SPAG17: variants seen among roughly 807,000 people sequenced by gnomAD.
SPAG17 encodes the protein sperm-associated antigen 17.
Under a neutral mutation model 273.6 loss-of-function variants are expected in SPAG17, and 169 were observed. The observed-to-expected ratio is 0.62, with a 90% confidence interval of 0.55 to 0.70. The LOEUF is 0.70. SPAG17 is among the 30% of genes least tolerant of loss of function. The pLI, the probability that SPAG17 is intolerant of heterozygous loss-of-function variation, is 0.00. For synonymous variants in SPAG17, 825 were observed against 873.2 expected (o/e 0.94, Z 0.97); for missense variants, 2,557 against 2,627.8 (o/e 0.97, Z 0.59).
At position 118,081,157 on chromosome 1, in the gene SPAG17, C is replaced by T. The variant is rs779688185; in HGVS notation, c.2153G>A (p.Arg718Lys). The change falls in exon 15 of 49, where the codon AGA (arginine) becomes AAA (lysine). Residue 718 changes from arginine to lysine, a missense_variant. Arg to Lys is a conservative substitution (Grantham distance 26). Transcript: ENST00000336338. ...NNLKLSVPDN[R>K]QLLEQESIMK... ...GATGCTCTCCTGCTCTAACAGCTGTCTATTATCAGGGACTGAGAGTTTGAG... is the reference window on the plus strand; with the variant it reads ...GATGCTCTCCTGCTCTAACAGCTGTTTATTATCAGGGACTGAGAGTTTGAG... The T allele has an allele frequency of 4.3e-6, 7 of 1,613,770 alleles. No individual in the cohort carries two copies. Among genetic ancestry groups the T allele is most frequent in the African/African-American group, 2.7e-5 (2 of 74,842 alleles).
intron 1 of SPAG17, among the ~76,000 whole-genome samples, chr1:118,173,385 A>G (rs1269221356): frequency 2.6e-5 from 4 of 152,092 alleles, no homozygotes; most frequent in Non-Finnish European, 5.9e-5. Flanking sequence ...CAATGTTCTA[A>G]GCTTTCAGTG....
At chr1:118,181,941 G>A (rs997156815) in intron 1 of SPAG17, among the ~76,000 whole-genome samples, 20 of 151,946 alleles carry the variant, frequency 1.3e-4, no homozygotes, top group Non-Finnish European at 2.5e-4. Flanking sequence ...CACAGACCCC[G>A]TCTCAAAACA....
At chr1:118,100,121 T>C (rs1325722964) in intron 5 of SPAG17, among the ~76,000 whole-genome samples, 1 of 152,200 alleles carries the variant, frequency 6.6e-6, no homozygotes, top group Admixed American at 6.5e-5. Context: ...CCTGTAACTT[T>C]TTTGGGTTCT....
chr1:118,083,601 A>G (rs537970243), intron 13 of SPAG17, among the ~76,000 whole-genome samples: 2 of 152,240 alleles, frequency 1.3e-5, no homozygotes, highest in African/African-American at 4.8e-5. Context: ...CCTGACCAAC[A>G]TGGTGAAAGC....
At chr1:117,961,270 T>G (rs925228410) in intron 48 of SPAG17, 3 of 152,126 alleles carry the variant, frequency 2.0e-5, no homozygotes, top group Admixed American at 2.0e-4. Context: ...GGCAACACAG[T>G]GAGACTCCAT....
At chr1:118,048,018 A>T (rs780759489) in intron 20 of SPAG17, among the ~76,000 whole-genome samples, 1 of 151,986 alleles carries the variant, frequency 6.6e-6, no homozygotes, top group East Asian at 1.9e-4. Flanking sequence ...ACCTCTGCAG[A>T]GTCAGGTGCA....
intron 20 of SPAG17, among the ~76,000 whole-genome samples, chr1:118,042,549 C>G (rs1663844332): frequency 6.6e-6 from 1 of 152,152 alleles, no homozygotes; most frequent in African/African-American, 2.4e-5. Context: ...CCTGTCCTCA[C>G]ATAGACTTGT....
intron 1 of SPAG17, among the ~76,000 whole-genome samples, chr1:118,152,183 G>A (rs1363867297): frequency 2.0e-5 from 3 of 152,102 alleles, no homozygotes; most frequent in Non-Finnish European, 4.4e-5. Context: ...TCAGAAAAGA[G>A]AGGGAATAAT....
At chr1:117,961,623 A>G (rs1392496135) in intron 48 of SPAG17, 2 of 152,058 alleles carry the variant, frequency 1.3e-5, no homozygotes, top group African/African-American at 4.8e-5. Context: ...TGGGGCCACC[A>G]TTTTCTTCTA....
chr1:117,990,978 T>C (rs1657009624), intron 37 of SPAG17, 72 bp from the exon 38 acceptor site: 1 of 831,426 alleles, frequency 1.2e-6, no homozygotes, highest in Non-Finnish European at 1.8e-6. Flanking sequence ...AAACATTCTC[T>C]CAAGCTGATC....
At chr1:118,023,014 A>G (rs1288122771) in intron 28 of SPAG17, among the ~76,000 whole-genome samples, 1 of 152,150 alleles carries the variant, frequency 6.6e-6, no homozygotes, top group East Asian at 1.9e-4. Flanking sequence ...GACATTACCA[A>G]TCTGCCCAGT....
chr1:118,065,034 C>G (rs2102053057), intron 18 of SPAG17, among the ~76,000 whole-genome samples: 1 of 152,046 alleles, frequency 6.6e-6, no homozygotes, highest in South Asian at 2.1e-4. Flanking sequence ...AAAGCAAGAA[C>G]AGATTTCTTA....
Position 118,054,041 on chromosome 1 carries a change from C to T in SPAG17, c.2775G>A (p.Glu925=). The change falls in exon 20 of 49, where the codon GAG becomes GAA. Residue 925 remains glutamate, a synonymous_variant. Coordinates refer to ENST00000336338, the MANE Select transcript of SPAG17 (RefSeq NM_206996.4). ...CTAAAATGAAAGGAATCTTTTCCTTCTCTTTTTCTTTTTCTTGATCTGATA... is the reference window on the plus strand; with the variant it reads ...CTAAAATGAAAGGAATCTTTTCCTTTTCTTTTTCTTTTTCTTGATCTGATA... ...TEISDQEKEK[E]KEKIPFILEG... The T allele has an allele frequency of 6.2e-7, 1 of 1,608,762 alleles. No individual in the cohort carries two copies. Among genetic ancestry groups the T allele is most frequent in the Non-Finnish European group, 8.5e-7 (1 of 1,177,570 alleles).
intron 43 of SPAG17, among the ~76,000 whole-genome samples, chr1:117,979,315 C>G (rs1655496344): frequency 6.6e-6 from 1 of 152,178 alleles, no homozygotes; most frequent in Non-Finnish European, 1.5e-5. Context: ...ACTACAAATT[C>G]TCAGCCTCAC....
chr1:118,184,276 A>C (rs1661078586), intron 1 of SPAG17, among the ~76,000 whole-genome samples: 1 of 152,196 alleles, frequency 6.6e-6, no homozygotes, highest in Non-Finnish European at 1.5e-5. Flanking sequence ...TCCAGAAACA[A>C]CTTTTCTCTT....
At chr1:118,037,471 A>G (rs1649214479) in intron 23 of SPAG17, among the ~76,000 whole-genome samples, 1 of 152,016 alleles carries the variant, frequency 6.6e-6, no homozygotes. Context: ...ATAGTACCTG[A>G]TAGGTAGTTT....
At chr1:118,123,150 T>C (rs544007580) in intron 3 of SPAG17, among the ~76,000 whole-genome samples, 317 of 152,340 alleles carry the variant, frequency 2.1e-3, no homozygotes, top group African/African-American at 7.3e-3. Context: ...AATAGTGTTC[T>C]GTAATTTTAC....
chr1:118,081,571 C>A lies in SPAG17; in HGVS notation c.1834G>T (p.Val612Phe). ...GGTTTCAGTTTCCCTTTTTCATCAA[C>A]CTCAGAGAGCTTCAGGCTCTCAAAA... ...FTFESLKLSE[V>F]DEKGKLKPSG... is the part of the protein sequence containing the mutation. The change falls in exon 14 of 49, where the codon GTT (valine) becomes TTT (phenylalanine). Residue 612 changes from valine (V) to phenylalanine (F), a missense_variant. Physicochemically the swap from Val to Phe is conservative, Grantham distance 50. Transcript: ENST00000336338. 6.2e-7 allele frequency: 1 copy of A among 1,614,018 alleles called. No homozygotes were observed. Among genetic ancestry groups the A allele is most frequent in the Non-Finnish European group, 8.5e-7 (1 of 1,179,982 alleles).
At position 118,066,851 on chromosome 1, in the gene SPAG17, G is replaced by C. The variant is rs146019646; in HGVS notation, c.2434C>G (p.His812Asp). ...AAAAGTAAAGAGTTGTCTTGGGTGT[G>C]GTAGTAAGAATCAACACACCTATAT... ...KQYRCVDSYY[H>D]TQDNSLLLVF... Residue 812 changes from histidine to aspartate, a missense_variant, in exon 18 of 49, where the codon CAC becomes GAC. Coordinates refer to ENST00000336338, the MANE Select transcript of SPAG17 (RefSeq NM_206996.4). The C allele has an allele frequency of 2.5e-6, 4 of 1,613,796 alleles. No individual in the cohort carries two copies. The African/African-American group carries it at 5.3e-5, about 22-fold the overall frequency.
Sources: gnomAD v4.1 joint callset for allele counts (sites outside exome capture counted in the v4.1 genomes callset) on GRCh38, gnomAD v4.1.1 for gene constraint, MANE v1.5 for transcripts, NCBI Gene and HGNC (gene_info 2026-07-23, HGNC 2026-07-21) for gene names.